The following PIGZ variants were observed in gnomAD, a reference collection of about 807,000 sequenced individuals.
PIGZ encodes the protein phosphatidylinositol glycan anchor biosynthesis class Z (Gwada blood group).
Under a neutral mutation model 16.4 loss-of-function variants are expected in PIGZ, and 16 were observed. The observed-to-expected ratio is 0.97, with a 90% CI of 0.66 to 1.48. PIGZ has a LOEUF of 1.48. Among genes scored for constraint, PIGZ ranks in the 40% most tolerant of loss-of-function variants. PIGZ has a pLI of 0.00. For synonymous variants in PIGZ, 409 were observed against 338.4 expected (o/e 1.21, Z -2.29); for missense variants, 770 against 739.2 (o/e 1.04, Z -0.48).
At chr3:196,954,041 G>T (rs534434545) in intron 1 of PIGZ, among the ~76,000 whole-genome samples, 2 of 151,952 alleles carry the variant, frequency 1.3e-5, no homozygotes, top group East Asian at 3.9e-4. Flanking sequence ...CCAGCCCTTT[G>T]GGAGGCTGAG....
chr3:196,963,283 C>T (rs1324277279), intron 1 of PIGZ, among the ~76,000 whole-genome samples: 1 of 152,200 alleles, frequency 6.6e-6, no homozygotes, highest in Non-Finnish European at 1.5e-5. Flanking sequence ...CAAGTTTATT[C>T]GTGGACATAT....
intron 1 of PIGZ, among the ~76,000 whole-genome samples, chr3:196,964,734 C>T (rs1249336041): frequency 6.6e-6 from 1 of 152,058 alleles, no homozygotes; most frequent in Non-Finnish European, 1.5e-5. Flanking sequence ...GTCTATAACC[C>T]TATCCTTTTT....
chr3:196,963,423 A>G (rs1268258359), intron 1 of PIGZ, among the ~76,000 whole-genome samples: 1 of 152,248 alleles, frequency 6.6e-6, no homozygotes. Context: ...CCAGAAATGT[A>G]TGACGGTTCT....
In PIGZ at chr3:196,947,733, C is replaced by T. The variant is rs1465861994; in HGVS notation, c.1164G>A (p.Glu388=). ...LALLSAFSHQ[E]ARFLIPLLVP... ...CCAGGAGGGGAATCAGGAACCGAGC[C>T]TCCTGGTGGCTAAAGGCAGATAGCA... The change falls in exon 3 of 3, where the codon GAG becomes GAA. Residue 388 remains glutamate (E), a synonymous_variant. Transcript: ENST00000412723. 1 of 1,612,854 alleles carries T rather than the reference C, an allele frequency of 6.2e-7. No individual in the cohort carries two copies. The highest frequency in any genetic ancestry group is 1.3e-5 in the African/African-American group (1 of 74,936).
At chr3:196,954,088 G>A (rs1232834460) in intron 1 of PIGZ, among the ~76,000 whole-genome samples, 4 of 152,124 alleles carry the variant, frequency 2.6e-5, no homozygotes, top group Admixed American at 6.5e-5. Context: ...TTTGAGACCA[G>A]CCTGGCCAAC....
Position 196,946,385 on chromosome 3 carries a change from C to G in PIGZ, c.*772G>C, listed in dbSNP as rs551875828. On this transcript the variant is annotated 3_prime_UTR_variant, in exon 3 of 3. Transcript: ENST00000412723. Reference sequence around the variant, plus strand: ...GTGCTATTATATATTTCAAACATTACTTGTTTGCATAATAACCAAACACTG... The same window carrying G: ...GTGCTATTATATATTTCAAACATTAGTTGTTTGCATAATAACCAAACACTG... 6.6e-6 allele frequency: 1 copy of G among 152,376 alleles called. No homozygotes were observed. Among genetic ancestry groups the G allele is most frequent in the East Asian group, 1.9e-4 (1 of 5,190 alleles). The allele number at this position is 152,376 out of a possible 1,614,324, so 9.4% of individuals were successfully genotyped here.
chr3:196,952,724 C>T (rs933680015), intron 1 of PIGZ, among the ~76,000 whole-genome samples: 2 of 152,244 alleles, frequency 1.3e-5, no homozygotes, highest in African/African-American at 4.8e-5. Context: ...GCGTGAGCCA[C>T]CGTGCCCAGC....
At chr3:196,950,133 C>T (rs561561120) in intron 2 of PIGZ, among the ~76,000 whole-genome samples, 10 of 151,840 alleles carry the variant, frequency 6.6e-5, no homozygotes, top group South Asian at 2.1e-4. Context: ...TACAGGCGCC[C>T]GCCACTGTGC....
chr3:196,949,104 C>T (rs1023327643), intron 2 of PIGZ, among the ~76,000 whole-genome samples: 2 of 146,784 alleles, frequency 1.4e-5, no homozygotes, highest in South Asian at 2.2e-4. Flanking sequence ...GGCTGGAGTG[C>T]GGTGGCGAGA....
Position 196,952,046 on chromosome 3 carries a change from AGTT to A in PIGZ, c.1-18_1-16del, listed in dbSNP as rs763927985. On this transcript the variant is annotated splice_polypyrimidine_tract_variant and intron_variant, in intron 1 of 2. Transcript: ENST00000412723. ...CAGATCTGCATCTGTTGAGGATAAC[AGTT>A]GTTGGTTATCACGATGTAAATTATA... 1.4e-5 allele frequency: 23 copies of A among 1,608,998 alleles called. No homozygotes were observed. Among genetic ancestry groups the A allele is most frequent in the Non-Finnish European group, 1.8e-5 (21 of 1,176,576 alleles).
rs1318535271 is a variant in PIGZ at position 196,950,171 on chromosome 3, G to C, written c.212-1486C>G. Among the ~76,000 whole-genome samples, 35 of 152,100 alleles carry C rather than the reference G, an allele frequency of 2.3e-4. 1 individual carries two copies. The highest frequency in any genetic ancestry group is 2.3e-3 in the Admixed American group (35 of 15,270). ...GGCTGATTTTTGTATTTTCAGTAGA[G>C]ATGGGGTTTCGCCATGTTGGCCAGG... On this transcript the variant is annotated intron_variant, in intron 2 of 2. Coordinates refer to ENST00000412723, the MANE Select transcript of PIGZ (RefSeq NM_025163.4).
chr3:196,957,171 T>TTGTGTGTG lies in PIGZ; in HGVS notation c.1-5148_1-5141dup, dbSNP rs3042833. ...CTAATCAAATTTTTGGCTCCAGGTTTTGTGTGTGTGTGTGTGTGTGTGTGT... is the reference window on the plus strand; with the variant it reads ...CTAATCAAATTTTTGGCTCCAGGTTTTGTGTGTGTGTGTGTGTGTGTGTGTGTGTGTGT... On this transcript the variant is annotated intron_variant, in intron 1 of 2. Transcript: ENST00000412723. Among the ~76,000 whole-genome samples the TTGTGTGTG allele has an allele frequency of 3.7e-3, 544 of 146,706 alleles. 2 individuals are homozygous for TTGTGTGTG. The highest frequency in any genetic ancestry group is 6.4e-3 in the Non-Finnish European group (426 of 66,656).
At chr3:196,955,657 A>C (rs1304428775) in intron 1 of PIGZ, among the ~76,000 whole-genome samples, 1 of 147,776 alleles carries the variant, frequency 6.8e-6, no homozygotes, top group African/African-American at 2.5e-5. Context: ...GCTCACTGCA[A>C]CCTCTGCCCC....
intron 1 of PIGZ, among the ~76,000 whole-genome samples, chr3:196,968,262 A>G (rs1163372846): frequency 6.6e-6 from 1 of 152,130 alleles, no homozygotes; most frequent in Non-Finnish European, 1.5e-5. Context: ...GCAGCGTGGC[A>G]TGGTTTCCTC....
chr3:196,948,998 TTACTTCTCTTTCCCTCC>T (rs1717133116), intron 2 of PIGZ, among the ~76,000 whole-genome samples: 1 of 37,934 alleles, frequency 2.6e-5, no homozygotes, highest in Non-Finnish European at 4.0e-5. Context: ...TTCCTTCCCT[TTACTTCTCTTTCCCTCC>T]CCTCCCTTCC....
chr3:196,961,049 T>C (rs1717701643), intron 1 of PIGZ, among the ~76,000 whole-genome samples: 1 of 152,240 alleles, frequency 6.6e-6, no homozygotes, highest in Non-Finnish European at 1.5e-5. Context: ...CTTTGACTGT[T>C]TCCTTCTAGC....
chr3:196,947,464 A>G lies in PIGZ; in HGVS notation c.1433T>C (p.Leu478Pro), dbSNP rs1716945012. The G allele has an allele frequency of 6.2e-7, 1 of 1,613,474 alleles. No homozygotes were observed. The highest frequency in any genetic ancestry group is 8.5e-7 in the Non-Finnish European group (1 of 1,179,980). ...PPRHLLHLPG[L>P]GAPVEVVDMG... Reference sequence around the variant, plus strand: ...GTCCACCACCTCCACTGGTGCCCCCAGGCCTGGGAGGTGTAGGAGGTGCCG... The same window carrying G: ...GTCCACCACCTCCACTGGTGCCCCCGGGCCTGGGAGGTGTAGGAGGTGCCG... The change falls in exon 3 of 3, where the codon CTG (leucine) becomes CCG (proline). Residue 478 changes from leucine (L) to proline (P), a missense_variant. Coordinates refer to ENST00000412723, the MANE Select transcript of PIGZ (RefSeq NM_025163.4).
chr3:196,960,730 A>G (rs976729519), intron 1 of PIGZ, among the ~76,000 whole-genome samples: 1 of 103,110 alleles, frequency 9.7e-6, no homozygotes, highest in Non-Finnish European at 1.9e-5. Context: ...GAAAGAAAAG[A>G]AAGAAAGAGA....
chr3:196,957,719 C>T (rs1717556394), intron 1 of PIGZ, among the ~76,000 whole-genome samples: 1 of 152,104 alleles, frequency 6.6e-6, no homozygotes, highest in South Asian at 2.1e-4. Flanking sequence ...AGAACGTGGC[C>T]CTCCAGAGTC....
Sources: gnomAD v4.1 joint callset for allele counts (sites outside exome capture counted in the v4.1 genomes callset) on GRCh38, gnomAD v4.1.1 for gene constraint, MANE v1.5 for transcripts, NCBI Gene and HGNC (gene_info 2026-07-23, HGNC 2026-07-21) for gene names.